SCNN1A: variants seen among roughly 807,000 people sequenced by gnomAD.
SCNN1A encodes the protein epithelial sodium channel subunit alpha.
A neutral mutation model predicts 68.6 loss-of-function variants in SCNN1A; 65 were observed. The observed-to-expected ratio is 0.95, with a 90% CI of 0.78 to 1.16. The LOEUF is 1.16. SCNN1A is among the 50% of genes most tolerant of loss of function. The pLI is 0.00. For missense variants in SCNN1A, 880 were observed against 865.9 expected, an observed-to-expected ratio of 1.02 and a Z score of -0.20; for synonymous variants, 357 against 353.3, an observed-to-expected ratio of 1.01 and a Z score of -0.12.
At chr12:6,369,377 C>CCACCCTACGCA (rs1948744571) in intron 2 of SCNN1A, among the ~76,000 whole-genome samples, 3 of 151,812 alleles carry the variant, frequency 2.0e-5, no homozygotes, top group Admixed American at 6.6e-5. Context: ...CTCCCTCCTG[C>CCACCCTACGCA]CTGGCCTCAC....
In SCNN1A at chr12:6,374,350, G is replaced by A. The variant is rs1948855240; in HGVS notation, c.416+18C>T. ...TCCAGGCGCAGGCACCAGGGAAGGG[G>A]CAGAGGGACTAACCGACCTGTAGGG... is the stretch of plus-strand genomic sequence containing the variant. On this transcript the variant is annotated intron_variant, in intron 2 of 12. Coordinates refer to ENST00000228916, the MANE Select transcript of SCNN1A (RefSeq NM_001038.6). This position sits in a 1 kb window ranked among gnomAD's most constrained non-coding sequence, Gnocchi z 6.2. 3.7e-6 allele frequency: 6 copies of A among 1,613,244 alleles called. No homozygotes were observed. Among genetic ancestry groups the A allele is most frequent in the Admixed American group, 1.7e-5 (1 of 59,966 alleles).
Position 6,347,991 on chromosome 12 carries a change from G to C in SCNN1A, c.1892C>G (p.Pro631Arg), listed in dbSNP as rs1948292881. 1 of 1,575,154 alleles carries C rather than the reference G, an allele frequency of 6.3e-7. No individual in the cohort carries two copies. Among genetic ancestry groups the C allele is most frequent in the Admixed American group, 1.8e-5 (1 of 54,168 alleles). Residue 631 changes from proline (P) to arginine (R), a missense_variant, in exon 13 of 13, where the codon CCT (proline) becomes CGT (arginine). Physicochemically the swap from Pro to Arg is moderately radical, Grantham distance 103. Transcript: ENST00000228916. The part of the protein sequence containing the change: ...PMSLSLSQPG[P>R]APSPALTAPP... ...GGCTGTCAAGGCTGGAGAGGGAGCA[G>C]GGCCTGGCTGGGACAAGGACAGAGA... is the stretch of plus-strand genomic sequence containing the variant.
chr12:6,368,079 G>A (rs564596890), intron 2 of SCNN1A, among the ~76,000 whole-genome samples: 2 of 152,280 alleles, frequency 1.3e-5, no homozygotes, highest in South Asian at 2.1e-4. Context: ...AGCGTTTATC[G>A]AGCACTTATT....
At chr12:6,352,086 A>G (rs1948398840) in intron 8 of SCNN1A, among the ~76,000 whole-genome samples, 1 of 152,174 alleles carries the variant, frequency 6.6e-6, no homozygotes, top group African/African-American at 2.4e-5. Context: ...GAACACTAAA[A>G]ATATTCCAAA....
At chr12:6,375,075 G>A (rs1052256637) in intron 1 of SCNN1A, 8 of 1,526,602 alleles carry the variant, frequency 5.2e-6, no homozygotes, top group African/African-American at 2.7e-5. Flanking sequence ...TCCCTAGAAC[G>A]GCCTCTCCTC....
chr12:6,375,802 C>T, upstream of SCNN1A: 1 of 1,376,050 alleles, frequency 7.3e-7, no homozygotes, highest in Admixed American at 3.4e-5. Context: ...GGATCCTGAG[C>T]CCACAGCTAG....
rs1451674456 is a variant in SCNN1A at position 6,374,442 on chromosome 12, G to A, written c.342C>T (p.Val114=). Reference sequence around the variant, plus strand: ...CCGAGTTGAGGTTGATGTTGAGGCTGACGGGGTAGCTGAAGTACTCTCCGA... The same window carrying A: ...CCGAGTTGAGGTTGATGTTGAGGCTAACGGGGTAGCTGAAGTACTCTCCGA... ...LLFGEYFSYP[V]SLNINLNSDK... The change falls in exon 2 of 13, where the codon GTC becomes GTT. Residue 114 remains valine, a synonymous_variant. Transcript: ENST00000228916. This position sits in a 1 kb window ranked among gnomAD's most constrained non-coding sequence, Gnocchi z 6.2. The A allele has an allele frequency of 3.7e-6, 6 of 1,614,218 alleles. No individual in the cohort carries two copies. The South Asian group carries it at 4.4e-5, about 12-fold the overall frequency.
Position 6,374,036 on chromosome 12 carries a change from A to G in SCNN1A, c.416+332T>C, listed in dbSNP as rs1352687686. Among the ~76,000 whole-genome samples, 1 of 152,040 alleles carries G rather than the reference A, an allele frequency of 6.6e-6. No individual in the cohort carries two copies. Among genetic ancestry groups the G allele is most frequent in the Non-Finnish European group, 1.5e-5 (1 of 68,002 alleles). ...TTGCTCCAGAAAAGGGATGCAGCTG[A>G]GCACACCCCTGCCCTTTTGCAAGCA... On this transcript the variant is annotated intron_variant, in intron 2 of 12. Transcript: ENST00000228916. This position sits in a 1 kb window ranked among gnomAD's most constrained non-coding sequence, Gnocchi z 6.2.
chr12:6,377,163 G>A, upstream of SCNN1A: 1 of 1,124,282 alleles, frequency 8.9e-7, no homozygotes, highest in Non-Finnish European at 1.3e-6. Flanking sequence ...AACCTGGTCT[G>A]TGGCTTCCTC....
intron 8 of SCNN1A, among the ~76,000 whole-genome samples, chr12:6,350,433 CA>C (rs757902358): frequency 0.045 from 2,890 of 64,888 alleles, 48 homozygotes; most frequent in African/African-American, 0.11. Flanking sequence ...GACTCCGTCT[CA>C]AAAAAAAAAA....
rs181681859 is a variant in SCNN1A, at chr12:6,349,137, C to T, written c.1497+27G>A. On this transcript the variant is annotated intron_variant, in intron 10 of 12. Coordinates refer to ENST00000228916, the MANE Select transcript of SCNN1A (RefSeq NM_001038.6). ...CAGCATTACATGGGCACACACATCC[C>T]CCACCCATCCCTTCCCCACACTCTA... The T allele has an allele frequency of 6.2e-6, 10 of 1,611,332 alleles. No homozygotes were observed. In the East Asian group the frequency reaches 1.8e-4, roughly 29 times the overall value.
chr12:6,369,034 T>C (rs1948729353), intron 2 of SCNN1A, among the ~76,000 whole-genome samples: 1 of 152,084 alleles, frequency 6.6e-6, no homozygotes, highest in Non-Finnish European at 1.5e-5. Context: ...TTTCTCAAGG[T>C]CACACAGGAA....
In SCNN1A at chr12:6,347,831, A is replaced by G; in HGVS notation, c.*42T>C. The stretch of plus-strand genomic sequence containing the variant: ...TTGCCAGGGCCAGCACCCTCCCACC[A>G]GAGGAGCATCTGCCTTGGTGTGAGA... On this transcript the variant is annotated 3_prime_UTR_variant, in exon 13 of 13. Coordinates refer to ENST00000228916, the MANE Select transcript of SCNN1A (RefSeq NM_001038.6). 1 of 1,552,160 alleles carries G rather than the reference A, an allele frequency of 6.4e-7. No individual in the cohort carries two copies. Among genetic ancestry groups the G allele is most frequent in the Non-Finnish European group, 8.8e-7 (1 of 1,133,382 alleles).
intron 2 of SCNN1A, among the ~76,000 whole-genome samples, chr12:6,365,974 C>T (rs1051165367): frequency 4.8e-5 from 7 of 145,404 alleles, no homozygotes; most frequent in African/African-American, 1.7e-4. Context: ...CCTGCCTCAG[C>T]CTCCCTAGTA....
chr12:6,356,437 GGAAT>G (rs148812103), intron 4 of SCNN1A: 54,319 of 169,170 alleles, frequency 0.32, 10,833 homozygotes, highest in African/African-American at 0.57. Flanking sequence ...TGTTGAGTGA[GGAAT>G]GAATGAATGA....
At chr12:6,366,854 T>C (rs1948688335) in intron 2 of SCNN1A, among the ~76,000 whole-genome samples, 1 of 152,088 alleles carries the variant, frequency 6.6e-6, no homozygotes, top group Non-Finnish European at 1.5e-5. Context: ...CCATTTTATT[T>C]ATAATAGCCA....
intron 11 of SCNN1A, 39 bp from the exon 12 acceptor site, chr12:6,348,841 G>A: frequency 3.1e-6 from 5 of 1,606,732 alleles, no homozygotes; most frequent in African/African-American, 1.3e-5. Flanking sequence ...AATGGTAGAG[G>A]ATGAATTTCC....
At chr12:6,352,071 T>G (rs1353090448) in intron 8 of SCNN1A, among the ~76,000 whole-genome samples, 1 of 152,174 alleles carries the variant, frequency 6.6e-6, no homozygotes, top group Non-Finnish European at 1.5e-5. Context: ...CAGGGTTTCT[T>G]TTGGGAACAC....
chr12:6,363,804 C>T, intron 2 of SCNN1A, 94 bp from the exon 3 acceptor site: 5 of 1,228,072 alleles, frequency 4.1e-6, no homozygotes, highest in Admixed American at 2.7e-5. Flanking sequence ...CCCCGGGAGG[C>T]CGGTCCATCC....
Sources: gnomAD v4.1 joint callset for allele counts (sites outside exome capture counted in the v4.1 genomes callset) on GRCh38, gnomAD v4.1.1 for gene constraint, Gnocchi (gnomAD v3.1) non-coding constraint, MANE v1.5 for transcripts, NCBI Gene and HGNC (gene_info 2026-07-23, HGNC 2026-07-21) for gene names.